GK: variants seen among roughly 807,000 people sequenced by gnomAD.
GK encodes ATP:glycerol 3-phosphotransferase.
In GK, 9 loss-of-function variants were observed where a neutral mutation model predicts 56.4. That is an observed-to-expected ratio of 0.16 (90% CI 0.10 to 0.28). The LOEUF is 0.28. GK is among the 10% of genes least tolerant of loss of function. The probability of loss-of-function intolerance (pLI) is 1.00; values close to 1 mark genes in which losing one functional copy is unlikely to be tolerated. For synonymous variants in GK, 104 were observed against 144.1 expected, an observed-to-expected ratio of 0.72 and a Z score of 1.99; for missense variants, 161 against 431.4, an observed-to-expected ratio of 0.37 and a Z score of 5.55.
chrX:30,700,375 T>G (rs761659819), intron 9 of GK, 39 bp from the exon 10 acceptor site: 2 of 1,123,157 alleles, frequency 1.8e-6, no homozygotes, highest in Non-Finnish European at 2.4e-6. Flanking sequence ...GAGCCAAAAT[T>G]TTGTGACTAT....
rs1487751233 is a variant in GK, at chrX:30,730,435, T to C, written c.*1693T>C. Reference sequence around the variant, plus strand: ...TGGCAGGGGTACTTTTAAACATAAATGTTTCTACAAAAGTAGGTTGAGTTC... The same window carrying C: ...TGGCAGGGGTACTTTTAAACATAAACGTTTCTACAAAAGTAGGTTGAGTTC... On this transcript the variant is annotated 3_prime_UTR_variant, in exon 21 of 21. Coordinates refer to ENST00000427190, the MANE Select transcript of GK (RefSeq NM_001205019.2). 1 of 111,863 alleles carries C rather than the reference T, an allele frequency of 8.9e-6. No individual in the cohort carries two copies. The highest frequency in any genetic ancestry group is 2.8e-4 in the East Asian group (1 of 3,604). 9.2% of individuals were successfully genotyped at this position (111,863 alleles called of 1,213,427 possible).
chrX:30,719,546 G>T, intron 15 of GK, 31 bp downstream of exon 15: 1 of 834,465 alleles, frequency 1.2e-6, no homozygotes, highest in South Asian at 2.2e-5. Flanking sequence ...GTGCTTTTGG[G>T]GATCTTGATT....
intron 4 of GK, among the ~76,000 whole-genome samples, chrX:30,682,460 A>G (rs775687466): frequency 2.9e-4 from 32 of 111,979 alleles, no homozygotes; most frequent in Non-Finnish European, 5.8e-4. Flanking sequence ...GAGAAAGGGA[A>G]ATAGGAAAGG....
At chrX:30,658,403 C>T (rs112066133) in intron 1 of GK, among the ~76,000 whole-genome samples, 13 of 111,263 alleles carry the variant, frequency 1.2e-4, no homozygotes, top group African/African-American at 3.3e-4. Flanking sequence ...GCACCCTCCG[C>T]CTCCCAGGTT....
rs1384435903 is a variant in GK, at chrX:30,667,902, G to A, written c.153-110G>A. 7.8e-6 allele frequency: 4 copies of A among 513,998 alleles called. No individual in the cohort carries two copies. In the Admixed American group the frequency reaches 8.8e-5, roughly 11 times the overall value. The allele number at this position is 513,998 out of a possible 1,213,427, so 42.4% of individuals were successfully genotyped here. On this transcript the variant is annotated intron_variant, in intron 2 of 20. Transcript: ENST00000427190. ...AATGTAATTTGCTTTGCTTAATCTGGTTTTCTTTAATGTATGCACCAGCCA... is the reference window on the plus strand; with the variant it reads ...AATGTAATTTGCTTTGCTTAATCTGATTTTCTTTAATGTATGCACCAGCCA...
chrX:30,653,851 G>A (rs1211678734), intron 1 of GK, among the ~76,000 whole-genome samples: 2 of 112,640 alleles, frequency 1.8e-5, no homozygotes, highest in African/African-American at 6.4e-5. Context: ...TGGTGGCGGA[G>A]CTGGGTCACC....
intron 11 of GK, among the ~76,000 whole-genome samples, chrX:30,703,552 T>C (rs940737253): frequency 8.9e-6 from 1 of 111,824 alleles, no homozygotes; most frequent in African/African-American, 3.3e-5. Flanking sequence ...TGGTTAGGCT[T>C]AGCCAAAGTA....
chrX:30,697,714 C>A lies in GK; in HGVS notation c.730-18C>A, dbSNP rs1265769948. On this transcript the variant is annotated intron_variant, in intron 8 of 20. Transcript: ENST00000427190. ...ATATTATGCTTCTATCCTTCTCTCT[C>A]CCCCTTGCTGACTATAGAAAATCTC... 1.8e-6 allele frequency: 2 copies of A among 1,115,294 alleles called. No homozygotes were observed. Among genetic ancestry groups the A allele is most frequent in the Non-Finnish European group, 2.5e-6 (2 of 810,242 alleles). The allele number at this position is 1,115,294 out of a possible 1,213,427, so 91.9% of individuals were successfully genotyped here. A position where few individuals can be genotyped will look rare whatever the true frequency, so the allele number is the denominator to read the frequency against.
At chrX:30,717,313 TCTTTTTATAATAG>T (rs1241429361) in intron 13 of GK, among the ~76,000 whole-genome samples, 3 of 110,703 alleles carry the variant, frequency 2.7e-5, no homozygotes, top group Non-Finnish European at 5.7e-5. Flanking sequence ...GCCTTCAGGA[TCTTTTTATAATAG>T]CTTTATTGAG....
chrX:30,727,514 G>A lies in GK; in HGVS notation c.1631G>A (p.Ser544Asn). Residue 544 changes from serine to asparagine, a missense_variant, in exon 20 of 21, where the codon AGT (serine) becomes AAT (asparagine). Ser to Asn is a conservative substitution (Grantham distance 46, BLOSUM62 1). Transcript: ENST00000427190. ...CTGCCCTTGGGCTTTTTTATAGTGA[G>A]TAGCATGGTAATGTTAATCGGAGCA... ...CSLPLGFFIV[S>N]SMVMLIGARY... 7 of 1,192,743 alleles carry A rather than the reference G, an allele frequency of 5.9e-6. No individual in the cohort carries two copies. Among genetic ancestry groups the A allele is most frequent in the Non-Finnish European group, 6.8e-6 (6 of 879,293 alleles).
intron 2 of GK, 126 bp downstream of exon 2, chrX:30,665,710 A>G (rs1366174685): frequency 1.2e-5 from 6 of 481,521 alleles, no homozygotes; most frequent in Non-Finnish European, 2.2e-5. Flanking sequence ...AAAGGTTGTT[A>G]TTAGTCAAGA....
At chrX:30,666,593 C>T (rs111751532) in intron 2 of GK, among the ~76,000 whole-genome samples, 2,914 of 110,863 alleles carry the variant, frequency 0.026, 98 homozygotes, top group African/African-American at 0.091. Context: ...TGTGTGCTTT[C>T]GATTTGTGCA....
At chrX:30,676,721 G>T (rs756593092) in intron 3 of GK, among the ~76,000 whole-genome samples, 10 of 111,641 alleles carry the variant, frequency 9.0e-5, no homozygotes, top group Non-Finnish European at 1.7e-4. Context: ...GATAGTGTGG[G>T]TTAGTGTTTT....
intron 4 of GK, among the ~76,000 whole-genome samples, chrX:30,688,018 A>G (rs1569155807): frequency 8.9e-6 from 1 of 112,056 alleles, no homozygotes; most frequent in Non-Finnish European, 1.9e-5. Context: ...TCATGGAACA[A>G]TGGAAGGAGA....
intron 4 of GK, among the ~76,000 whole-genome samples, chrX:30,689,912 T>G (rs1352423347): frequency 8.9e-6 from 1 of 112,070 alleles, no homozygotes; most frequent in East Asian, 2.8e-4. Flanking sequence ...TCCTGTTTTC[T>G]TGGTTGTGGT....
intron 19 of GK, 61 bp from the exon 20 acceptor site, chrX:30,727,405 A>G: frequency 1.5e-6 from 1 of 649,213 alleles, no homozygotes; most frequent in Non-Finnish European, 2.6e-6. Flanking sequence ...CAAATATTGT[A>G]ATTATGTGTC....
intron 9 of GK, chrX:30,700,197 C>T (rs867156900): frequency 2.6e-6 from 1 of 383,402 alleles, no homozygotes; most frequent in Non-Finnish European, 4.5e-6. Context: ...CCCAGTCTAA[C>T]GTTTTATGTT....
At chrX:30,673,187 AAG>A (rs780143154) in intron 3 of GK, among the ~76,000 whole-genome samples, 2 of 112,152 alleles carry the variant, frequency 1.8e-5, no homozygotes, top group South Asian at 7.3e-4. Flanking sequence ...AGTGCCCCCA[AAG>A]AGAATATGTG....
At chrX:30,680,905 A>T (rs1437028414) in intron 4 of GK, among the ~76,000 whole-genome samples, 1 of 111,806 alleles carries the variant, frequency 8.9e-6, no homozygotes. Flanking sequence ...ACCAACCCTC[A>T]CAGGAATTGA....
Sources: gnomAD v4.1 joint callset for allele counts (sites outside exome capture counted in the v4.1 genomes callset) on GRCh38, gnomAD v4.1.1 for gene constraint, MANE v1.5 for transcripts, NCBI Gene and HGNC (gene_info 2026-07-23, HGNC 2026-07-21) for gene names.